Variants in CCSER2 observed in about 807,000 individuals in gnomAD.
The protein encoded by CCSER2 is serine-rich coiled-coil domain-containing protein 2.
Under a neutral mutation model 92.3 loss-of-function variants are expected in CCSER2, and 46 were observed. The observed-to-expected ratio is 0.50, with a 90% CI of 0.39 to 0.64. The LOEUF is 0.64. Ranked by LOEUF, CCSER2 falls within the 30% of genes least tolerant of loss-of-function variation. The pLI is 0.00. For missense variants in CCSER2, 1,244 were observed against 1,238.9 expected, an observed-to-expected ratio of 1.00 and a Z score of -0.06; for synonymous variants, 433 against 431.4, an observed-to-expected ratio of 1.00 and a Z score of -0.04.
intron 6 of CCSER2, among the ~76,000 whole-genome samples, chr10:84,444,899 G>T (rs969204125): frequency 6.6e-6 from 1 of 151,984 alleles, no homozygotes; most frequent in Non-Finnish European, 1.5e-5. Flanking sequence ...CATCATTATG[G>T]GATAAGAATG....
chr10:84,398,555 T>C (rs1362808473), intron 3 of CCSER2, among the ~76,000 whole-genome samples: 1 of 152,214 alleles, frequency 6.6e-6, no homozygotes. Context: ...AGGAGCTACA[T>C]GCTTTCCTAC....
Position 84,513,513 on chromosome 10 carries a change from T to A in CCSER2, c.2390T>A (p.Ile797Lys), listed in dbSNP as rs749089028. 2 of 1,614,066 alleles carry A rather than the reference T, an allele frequency of 1.2e-6. No individual in the cohort carries two copies. Among genetic ancestry groups the A allele is most frequent in the Non-Finnish European group, 8.5e-7 (1 of 1,180,000 alleles). ...RPTDHTQGKL[I>K]KPQRIEARSE... ...ACAGATCACACCCAGGGAAAACTAA[T>A]AAAGCCACAACGTATCGAGGCCCGC... Residue 797 changes from isoleucine to lysine, a missense_variant, in exon 10 of 10, where the codon ATA becomes AAA. Transcript: ENST00000372088.
intron 3 of CCSER2, among the ~76,000 whole-genome samples, chr10:84,404,994 C>A (rs1004390757): frequency 2.0e-5 from 3 of 152,112 alleles, no homozygotes; most frequent in Non-Finnish European, 4.4e-5. Flanking sequence ...TGATGCAATA[C>A]CAATCAGAAT....
rs879354983 is a variant in CCSER2 at position 84,403,840 on chromosome 10, G to GAA, written c.1615-13926_1615-13925dup. Among the ~76,000 whole-genome samples the GAA allele has an allele frequency of 3.3e-5, 5 of 152,220 alleles. No homozygotes were observed. In the East Asian group the frequency reaches 9.7e-4, roughly 29 times the overall value. On this transcript the variant is annotated intron_variant, in intron 3 of 9. Coordinates refer to ENST00000372088, the MANE Select transcript of CCSER2 (RefSeq NM_001284240.2). ...GATGGAAATTAAAATGGTTCAGCTGGAAAAAATATATACAAATGCTCCAAG... is the reference window on the plus strand; with the variant it reads ...GATGGAAATTAAAATGGTTCAGCTGGAAAAAAAATATATACAAATGCTCCAAG...
chr10:84,479,675 A>T (rs1293812320), intron 9 of CCSER2, among the ~76,000 whole-genome samples: 1 of 152,230 alleles, frequency 6.6e-6, no homozygotes, highest in Non-Finnish European at 1.5e-5. Context: ...ATAAAGTTCC[A>T]TCCCTCAAGA....
intron 1 of CCSER2, among the ~76,000 whole-genome samples, chr10:84,360,649 G>C (rs1845448548): frequency 6.6e-6 from 1 of 152,208 alleles, no homozygotes; most frequent in Non-Finnish European, 1.5e-5. Context: ...CGCTCTTGCA[G>C]AGTTAGTCTC....
intron 5 of CCSER2, among the ~76,000 whole-genome samples, chr10:84,435,418 C>T (rs548605332): frequency 5.6e-4 from 85 of 152,238 alleles, no homozygotes; most frequent in African/African-American, 1.9e-3. Flanking sequence ...ATTCTCATGG[C>T]GTAGCCTGCA....
At chr10:84,362,188 A>G (rs1248463058) in intron 1 of CCSER2, among the ~76,000 whole-genome samples, 5 of 152,088 alleles carry the variant, frequency 3.3e-5, no homozygotes, top group Admixed American at 2.6e-4. Flanking sequence ...CCTACTGCCC[A>G]TTTAATTTAA....
At chr10:84,501,144 T>C (rs1020848587) in intron 9 of CCSER2, among the ~76,000 whole-genome samples, 1 of 152,072 alleles carries the variant, frequency 6.6e-6, no homozygotes, top group Non-Finnish European at 1.5e-5. Context: ...AACTCCTCCT[T>C]CTCCCACCAC....
intron 8 of CCSER2, among the ~76,000 whole-genome samples, chr10:84,473,373 G>A (rs984888186): frequency 1.3e-5 from 2 of 152,094 alleles, no homozygotes; most frequent in Non-Finnish European, 2.9e-5. Context: ...GGAGAACTTC[G>A]TGATATTTTC....
At chr10:84,504,787 A>T (rs1019485385) in intron 9 of CCSER2, among the ~76,000 whole-genome samples, 1 of 152,206 alleles carries the variant, frequency 6.6e-6, no homozygotes, top group Admixed American at 6.5e-5. Context: ...TTCTCACAAC[A>T]ACTCAGAGCC....
intron 3 of CCSER2, among the ~76,000 whole-genome samples, chr10:84,397,190 C>G (rs1341582187): frequency 1.3e-5 from 2 of 152,144 alleles, no homozygotes; most frequent in Non-Finnish European, 2.9e-5. Flanking sequence ...ACTGGTAAAT[C>G]TTAAGTGCAT....
chr10:84,438,771 T>C, intron 6 of CCSER2, 64 bp downstream of exon 6: 1 of 1,042,796 alleles, frequency 9.6e-7, no homozygotes, highest in African/African-American at 1.6e-5. Context: ...TGACTTTAGT[T>C]TTTTTTAAAA....
chr10:84,464,787 C>T (rs1846294996), intron 7 of CCSER2, among the ~76,000 whole-genome samples: 2 of 152,096 alleles, frequency 1.3e-5, no homozygotes, highest in Admixed American at 1.3e-4. Context: ...GTTATTGTGC[C>T]AGTGGGAAGA....
chr10:84,513,551 A>G lies in CCSER2; in HGVS notation c.2428A>G (p.Ile810Val). Reference sequence around the variant, plus strand: ...TATCGAGGCCCGCAGTGAATGCTCAATCCAAGACATGCATCAGGGCGGTGC... The same window carrying G: ...TATCGAGGCCCGCAGTGAATGCTCAGTCCAAGACATGCATCAGGGCGGTGC... The part of the protein sequence containing the change: ...QRIEARSECS[I>V]QDMHQGGAHP... Residue 810 changes from isoleucine (I) to valine (V), a missense_variant, in exon 10 of 10, where the codon ATC becomes GTC. Coordinates refer to ENST00000372088, the MANE Select transcript of CCSER2 (RefSeq NM_001284240.2). The G allele has an allele frequency of 6.2e-7, 1 of 1,614,118 alleles. No individual in the cohort carries two copies. Among genetic ancestry groups the G allele is most frequent in the South Asian group, 1.1e-5 (1 of 91,076 alleles).
chr10:84,391,589 A>G, intron 3 of CCSER2: 3 of 1,515,808 alleles, frequency 2.0e-6, no homozygotes, highest in South Asian at 1.1e-5. Flanking sequence ...CTCCATTCAA[A>G]TGGATATAGA....
chr10:84,423,982 TAA>T (rs3044102), intron 4 of CCSER2, among the ~76,000 whole-genome samples: 47 of 108,170 alleles, frequency 4.3e-4, no homozygotes, highest in Admixed American at 6.9e-4. Context: ...CCCCATCTCT[TAA>T]AAAAAAAAAA....
At chr10:84,338,208 C>T (rs61865002) in intron 1 of CCSER2, among the ~76,000 whole-genome samples, 53,776 of 150,998 alleles carry the variant, frequency 0.36, 11,433 homozygotes, top group East Asian at 0.5. Flanking sequence ...TGCTTGAACC[C>T]GGGAGGCAGA....
At chr10:84,425,221 G>A (rs962544198) in intron 4 of CCSER2, 11 of 911,802 alleles carry the variant, frequency 1.2e-5, no homozygotes, top group Non-Finnish European at 1.4e-5. Context: ...CTTACTTTCC[G>A]AAAATGTGAG....
Sources: gnomAD v4.1 joint callset for allele counts (sites outside exome capture counted in the v4.1 genomes callset) on GRCh38, gnomAD v4.1.1 for gene constraint, MANE v1.5 for transcripts, NCBI Gene and HGNC (gene_info 2026-07-23, HGNC 2026-07-21) for gene names.